SCN11A: variants seen among roughly 807,000 people sequenced by gnomAD.
The protein encoded by SCN11A is sodium voltage-gated channel alpha subunit 11, also known as sodium channel protein type 11 subunit alpha.
In SCN11A, 122 loss-of-function variants were observed where a neutral mutation model predicts 162.2. The ratio of observed to expected loss-of-function variants is 0.75; its 90% CI spans 0.65 to 0.87. SCN11A has a LOEUF of 0.87. SCN11A is among the 40% of genes least tolerant of loss of function. SCN11A has a pLI of 0.00. For synonymous variants in SCN11A, 758 were observed against 751.5 expected, an observed-to-expected ratio of 1.01 and a Z score of -0.14; for missense variants, 2,015 against 2,181.6, an observed-to-expected ratio of 0.92 and a Z score of 1.52.
intron 1 of SCN11A, among the ~76,000 whole-genome samples, chr3:39,049,326 T>C (rs905904926): frequency 2.6e-5 from 4 of 152,260 alleles, no homozygotes; most frequent in African/African-American, 9.6e-5. Context: ...GCCCATTGCA[T>C]TACTTCTTTC....
intron 19 of SCN11A, among the ~76,000 whole-genome samples, chr3:38,888,446 A>G (rs531279965): frequency 3.0e-4 from 46 of 152,372 alleles, no homozygotes; most frequent in African/African-American, 1.0e-3. Context: ...ATTCCAAAAT[A>G]TATGAGGAAA....
Position 38,926,986 on chromosome 3 carries a change from A to T in SCN11A, c.489-55T>A. 4 of 1,541,954 alleles carry T rather than the reference A, an allele frequency of 2.6e-6. No homozygotes were observed. The South Asian group carries it at 4.9e-5, about 19-fold the overall frequency. On this transcript the variant is annotated intron_variant, in intron 7 of 29. Transcript: ENST00000302328. ...AAACATGATAAACAATGTGAAAAGCAAAGAGCCCTTCTATCTTACTGGCCT... is the reference window on the plus strand; with the variant it reads ...AAACATGATAAACAATGTGAAAAGCTAAGAGCCCTTCTATCTTACTGGCCT...
chr3:39,023,112 A>G (rs2031495979), intron 2 of SCN11A, among the ~76,000 whole-genome samples: 1 of 152,178 alleles, frequency 6.6e-6, no homozygotes, highest in South Asian at 2.1e-4. Context: ...TGACTGGAAG[A>G]AATGTTTATA....
In SCN11A at chr3:38,985,494, C is replaced by A. The variant is rs1471454493; in HGVS notation, c.-279-25071G>T. On this transcript the variant is annotated intron_variant, in intron 2 of 29. Transcript: ENST00000302328. ...AAAAATGAAAAGATCAGTGGGGACA[C>A]TGTTGCAGGAGTGCAGGCTGGAGGT... Among the ~76,000 whole-genome samples the A allele has an allele frequency of 1.3e-5, 2 of 150,848 alleles. 1 individual carries two copies. Among genetic ancestry groups the A allele is most frequent in the African/African-American group, 5.0e-5 (2 of 40,238 alleles).
At chr3:39,040,575 T>C (rs1477260722) in intron 1 of SCN11A, among the ~76,000 whole-genome samples, 2 of 152,212 alleles carry the variant, frequency 1.3e-5, no homozygotes, top group Non-Finnish European at 2.9e-5. Flanking sequence ...TTGAAACTAA[T>C]GAGCCTAAGG....
In SCN11A at chr3:38,847,645, C is replaced by T; in HGVS notation, c.4425G>A (p.Arg1475=). The change falls in exon 30 of 30, where the codon AGG becomes AGA. Residue 1475 remains arginine (R), a synonymous_variant. Transcript: ENST00000302328. ...TGATTCCTCGTGCAGCCCGGACAAG[C>T]CTCAGGATTCGGCCAATCCGAGCCA... ...VRLARIGRIL[R]LVRAARGIRT... is the part of the protein sequence containing the mutation. 6.2e-7 allele frequency: 1 copy of T among 1,614,100 alleles called. No individual in the cohort carries two copies. Among genetic ancestry groups the T allele is most frequent in the Non-Finnish European group, 8.5e-7 (1 of 1,179,966 alleles).
At chr3:39,051,287 C>T (rs2032364962) in intron 1 of SCN11A, among the ~76,000 whole-genome samples, 1 of 152,140 alleles carries the variant, frequency 6.6e-6, no homozygotes, top group South Asian at 2.1e-4. Flanking sequence ...ACCCTCCACC[C>T]TCCGAAAGGC....
rs1553644472 is a variant in SCN11A, at chr3:38,950,078, C to CCCCCCCCCCCCCCCCCCCCCCCCCCCG, written c.267+17_267+18insCGGGGGGGGGGGGGGGGGGGGGGGGGG. The CCCCCCCCCCCCCCCCCCCCCCCCCCCG allele has an allele frequency of 1.4e-5, 2 of 139,974 alleles. No homozygotes were observed. Among genetic ancestry groups the CCCCCCCCCCCCCCCCCCCCCCCCCCCG allele is most frequent in the East Asian group, 2.2e-4 (1 of 4,612 alleles). The allele number at this position is 139,974 out of a possible 1,614,324, so 8.7% of individuals were successfully genotyped here. A position where few individuals can be genotyped will look rare whatever the true frequency, so the allele number is the denominator to read the frequency against. On this transcript the variant is annotated intron_variant, in intron 5 of 29. Transcript: ENST00000302328. ...GAACACCCCCACCCCCACCCCCCCC[C>CCCCCCCCCCCCCCCCCCCCCCCCCCCG]CCCGCCCAATGAAGTACCTTATGAT...
chr3:39,038,326 T>C (rs2031959179), intron 1 of SCN11A, among the ~76,000 whole-genome samples: 1 of 152,192 alleles, frequency 6.6e-6, no homozygotes, highest in South Asian at 2.1e-4. Context: ...ACTTTAACTA[T>C]AGAAGTGAGT....
intron 2 of SCN11A, among the ~76,000 whole-genome samples, chr3:39,006,091 G>GT (rs2030965546): frequency 6.6e-6 from 1 of 152,036 alleles, no homozygotes; most frequent in Admixed American, 6.6e-5. Flanking sequence ...TTTGTTCAAT[G>GT]TTTTTGATAA....
In SCN11A at chr3:38,897,191, G is replaced by A; in HGVS notation, c.2057C>T (p.Thr686Ile). The change falls in exon 18 of 30, where the codon ACT becomes ATT. Residue 686 changes from threonine (T) to isoleucine (I), a missense_variant. Physicochemically the swap from Thr to Ile is moderately conservative, Grantham distance 89 (BLOSUM62 -1). Coordinates refer to ENST00000302328, the MANE Select transcript of SCN11A (RefSeq NM_001349253.2). Reference sequence around the variant, plus strand: ...GATTATCTTAATTAGTGTGTTCAAAGTTGGCCAGGATTTGGCTAACTTGAA... The same window carrying A: ...GATTATCTTAATTAGTGTGTTCAAAATTGGCCAGGATTTGGCTAACTTGAA... The part of the protein sequence containing the change: ...RVFKLAKSWP[T>I]LNTLIKIIGN... 1.2e-6 allele frequency: 2 copies of A among 1,612,608 alleles called. No individual in the cohort carries two copies. The highest frequency in any genetic ancestry group is 2.2e-5 in the East Asian group (1 of 44,874).
chr3:38,905,901 A>G (rs2065784996), intron 14 of SCN11A, among the ~76,000 whole-genome samples: 1 of 152,188 alleles, frequency 6.6e-6, no homozygotes, highest in Admixed American at 6.5e-5. Context: ...TCTCACATCT[A>G]CCTACAATTC....
At chr3:38,968,309 CCCA>C (rs1185073839) in intron 2 of SCN11A, among the ~76,000 whole-genome samples, 13 of 152,202 alleles carry the variant, frequency 8.5e-5, no homozygotes, top group Admixed American at 3.9e-4. Context: ...ACTGAGTGGC[CCCA>C]CCTGGCTCAG....
intron 2 of SCN11A, among the ~76,000 whole-genome samples, chr3:38,965,465 T>C (rs2066775906): frequency 6.6e-6 from 1 of 152,144 alleles, no homozygotes; most frequent in Admixed American, 6.5e-5. Context: ...ACCTCTCATC[T>C]TGACCATCAT....
intron 2 of SCN11A, among the ~76,000 whole-genome samples, chr3:38,982,640 G>A (rs926134815): frequency 6.6e-5 from 10 of 152,122 alleles, no homozygotes; most frequent in African/African-American, 2.4e-4. Flanking sequence ...TGAAAGTAGG[G>A]AATCAGCAGA....
At chr3:38,941,397 T>C (rs2066440886) in intron 7 of SCN11A, among the ~76,000 whole-genome samples, 1 of 152,084 alleles carries the variant, frequency 6.6e-6, no homozygotes, top group Non-Finnish European at 1.5e-5. Context: ...CCACAAGATA[T>C]ATTAAAGGAA....
At chr3:38,881,343 G>A (rs1346067892) in intron 22 of SCN11A, among the ~76,000 whole-genome samples, 1 of 152,150 alleles carries the variant, frequency 6.6e-6, no homozygotes, top group Non-Finnish European at 1.5e-5. Flanking sequence ...TCAGGCTCCT[G>A]GAGGTCAGGG....
chr3:39,044,542 ATAAAT>A (rs1380601253), intron 1 of SCN11A, among the ~76,000 whole-genome samples: 1 of 152,186 alleles, frequency 6.6e-6, no homozygotes, highest in Non-Finnish European at 1.5e-5. Context: ...GCAAATACAT[ATAAAT>A]TAAATAACAT....
At chr3:38,929,538 G>T (rs1477543949) in intron 7 of SCN11A, among the ~76,000 whole-genome samples, 2 of 152,114 alleles carry the variant, frequency 1.3e-5, no homozygotes, top group African/African-American at 2.4e-5. Context: ...AGTTAAGACG[G>T]TATCTTTTAT....
Sources: gnomAD v4.1 joint callset for allele counts (sites outside exome capture counted in the v4.1 genomes callset) on GRCh38, gnomAD v4.1.1 for gene constraint, MANE v1.5 for transcripts, NCBI Gene and HGNC (gene_info 2026-07-23, HGNC 2026-07-21) for gene names.